The following GRM8 variants were observed in gnomAD, a reference collection of about 807,000 sequenced individuals.
The protein encoded by GRM8 is glutamate metabotropic receptor 8.
A neutral mutation model predicts 87.2 loss-of-function variants in GRM8; 47 were observed. The ratio of observed to expected loss-of-function variants is 0.54; its 90% CI spans 0.43 to 0.69. The LOEUF is 0.69. GRM8 is among the 30% of genes least tolerant of loss of function. The pLI is 0.00. For synonymous variants in GRM8, 396 were observed against 404.5 expected, an observed-to-expected ratio of 0.98 and a Z score of 0.25; for missense variants, 1,019 against 1,139.2, an observed-to-expected ratio of 0.89 and a Z score of 1.52.
chr7:126,839,183 G>A (rs528818326), intron 6 of GRM8, among the ~76,000 whole-genome samples: 2 of 152,264 alleles, frequency 1.3e-5, no homozygotes, highest in East Asian at 3.9e-4. Context: ...GTAGAAAGTA[G>A]GGGCATTATT....
chr7:126,623,118 T>G (rs1800339340), intron 7 of GRM8, among the ~76,000 whole-genome samples: 1 of 143,586 alleles, frequency 7.0e-6, no homozygotes, highest in Non-Finnish European at 1.6e-5. Context: ...CAGGACTAAA[T>G]CTTAATGTAA....
At chr7:126,505,560 T>C (rs1195554914) in intron 9 of GRM8, among the ~76,000 whole-genome samples, 1 of 151,962 alleles carries the variant, frequency 6.6e-6, no homozygotes, top group Non-Finnish European at 1.5e-5. Context: ...CTGTACATAG[T>C]TGAAGGTAAA....
intron 6 of GRM8, among the ~76,000 whole-genome samples, chr7:126,810,309 T>C (rs1271268418): frequency 6.6e-6 from 1 of 152,162 alleles, no homozygotes; most frequent in Non-Finnish European, 1.5e-5. Flanking sequence ...TCACCTTCTC[T>C]AAGTACCCTT....
At chr7:126,562,456 T>C (rs1014007363) in intron 8 of GRM8, among the ~76,000 whole-genome samples, 1 of 152,210 alleles carries the variant, frequency 6.6e-6, no homozygotes, top group Non-Finnish European at 1.5e-5. Context: ...ATGTCTATTA[T>C]ATTGAGGTTC....
intron 2 of GRM8, among the ~76,000 whole-genome samples, chr7:127,172,249 ACT>A (rs1251176794): frequency 6.6e-6 from 1 of 152,116 alleles, no homozygotes; most frequent in African/African-American, 2.4e-5. Flanking sequence ...ATTATTTATT[ACT>A]GTCATAAACC....
intron 6 of GRM8, chr7:126,869,025 C>T (rs1274817148): frequency 6.6e-6 from 1 of 152,196 alleles, no homozygotes; most frequent in Non-Finnish European, 1.5e-5. Flanking sequence ...CAAATCTTGC[C>T]ACTGCTTTAT....
chr7:126,528,614 T>TTGTGTGTGTGTGTGTGTG (rs59437677), intron 9 of GRM8, among the ~76,000 whole-genome samples: 68 of 149,206 alleles, frequency 4.6e-4, no homozygotes, highest in Admixed American at 1.5e-3. Context: ...ACAAAAGAAG[T>TTGTGTGTGTGTGTGTGTG]TGTGTGTGTG....
intron 8 of GRM8, among the ~76,000 whole-genome samples, chr7:126,536,788 G>T (rs1165038338): frequency 2.6e-5 from 4 of 152,128 alleles, no homozygotes; most frequent in African/African-American, 9.6e-5. Flanking sequence ...ATTGCATTTT[G>T]TTGGGAACTT....
intron 8 of GRM8, among the ~76,000 whole-genome samples, chr7:126,588,429 C>A (rs1343191480): frequency 1.3e-5 from 2 of 152,130 alleles, no homozygotes; most frequent in African/African-American, 4.8e-5. Flanking sequence ...AACTACCATT[C>A]GACCCAGCAA....
At chr7:126,836,662 C>T (rs1795849897) in intron 6 of GRM8, among the ~76,000 whole-genome samples, 1 of 152,190 alleles carries the variant, frequency 6.6e-6, no homozygotes, top group Non-Finnish European at 1.5e-5. Flanking sequence ...TCTCAGACTG[C>T]ATGTCACTCC....
chr7:126,500,499 T>C (rs745487682), intron 9 of GRM8, among the ~76,000 whole-genome samples: 3 of 151,894 alleles, frequency 2.0e-5, no homozygotes, highest in Non-Finnish European at 4.4e-5. Flanking sequence ...TACCTCCCCA[T>C]AAGAACTGGC....
chr7:126,556,409 G>A (rs1252359583), intron 8 of GRM8, among the ~76,000 whole-genome samples: 1 of 151,626 alleles, frequency 6.6e-6, no homozygotes, highest in Admixed American at 6.6e-5. Flanking sequence ...CACTTTGGGA[G>A]GCCGAGGTGG....
intron 6 of GRM8, among the ~76,000 whole-genome samples, chr7:126,883,490 T>A (rs369661943): frequency 1.3e-5 from 2 of 152,352 alleles, no homozygotes; most frequent in East Asian, 3.9e-4. Flanking sequence ...TTACTCAAAT[T>A]GATTACAGCT....
chr7:126,650,571 C>T (rs997835045), intron 7 of GRM8, among the ~76,000 whole-genome samples: 24 of 152,168 alleles, frequency 1.6e-4, no homozygotes, highest in African/African-American at 5.8e-4. Flanking sequence ...GATTGATGGG[C>T]TGTAGCCAGT....
intron 7 of GRM8, among the ~76,000 whole-genome samples, chr7:126,766,556 G>A (rs1818217365): frequency 6.6e-6 from 1 of 152,044 alleles, no homozygotes; most frequent in Non-Finnish European, 1.5e-5. Context: ...GATCCTGGCA[G>A]ACAATCTAGA....
intron 7 of GRM8, among the ~76,000 whole-genome samples, chr7:126,727,794 A>G (rs1036233459): frequency 6.6e-6 from 1 of 151,886 alleles, no homozygotes; most frequent in African/African-American, 2.4e-5. Context: ...CTCCACACTC[A>G]ATATCTATCT....
chr7:126,519,162 T>G (rs759128136), intron 9 of GRM8, among the ~76,000 whole-genome samples: 22 of 152,174 alleles, frequency 1.4e-4, no homozygotes, highest in Admixed American at 3.3e-4. Flanking sequence ...ACAAGAATTA[T>G]GATGATCTCT....
chr7:126,543,851 A>T (rs10251940), intron 8 of GRM8, among the ~76,000 whole-genome samples: 5,894 of 152,314 alleles, frequency 0.039, 368 homozygotes, highest in African/African-American at 0.13. Context: ...AAACATGATC[A>T]AATGGTAACT....
intron 3 of GRM8, among the ~76,000 whole-genome samples, chr7:127,064,052 T>C (rs1180903760): frequency 2.0e-5 from 3 of 152,234 alleles, no homozygotes; most frequent in African/African-American, 7.2e-5. Context: ...AATTATGTGG[T>C]TGATTTTAGA....
Sources: allele counts gnomAD v4.1 joint callset (sites outside exome capture counted in the v4.1 genomes callset), GRCh38; gene constraint gnomAD v4.1.1; transcripts MANE v1.5; gene names NCBI Gene and HGNC (gene_info 2026-07-23, HGNC 2026-07-21).